The following TIAM1 variants were observed in gnomAD, a reference collection of about 807,000 sequenced individuals.
TIAM1 encodes rho guanine nucleotide exchange factor TIAM1.
TIAM1 carries 65 observed loss-of-function variants against 163.5 expected under a neutral mutation model. The observed-to-expected ratio is 0.40, with a 90% CI of 0.33 to 0.49. TIAM1 has a LOEUF of 0.49. Ranked by LOEUF, TIAM1 falls within the 20% of genes least tolerant of loss-of-function variation. The pLI is 0.77. For missense variants in TIAM1, 1,789 were observed against 2,044.7 expected (o/e 0.87, Z 2.41); for synonymous variants, 833 against 810.1 (o/e 1.03, Z -0.48).
intron 14 of TIAM1, among the ~76,000 whole-genome samples, chr21:31,185,952 A>G (rs2085283918): frequency 6.6e-6 from 1 of 152,172 alleles, no homozygotes; most frequent in African/African-American, 2.4e-5. Flanking sequence ...CAGAGAAATC[A>G]ATCTTGCCAA....
intron 1 of TIAM1, among the ~76,000 whole-genome samples, chr21:31,495,069 T>G (rs924090389): frequency 5.9e-5 from 9 of 152,190 alleles, no homozygotes; most frequent in Admixed American, 5.9e-4. Flanking sequence ...AGTGTGCATA[T>G]ATAAATGTGT....
In TIAM1 at chr21:31,251,915, C is replaced by T; in HGVS notation, c.1238G>A (p.Ser413Asn). 6.2e-7 allele frequency: 1 copy of T among 1,613,836 alleles called. No homozygotes were observed. The highest frequency in any genetic ancestry group is 1.6e-4 in the Middle Eastern group (1 of 6,062). ...EAGSAHSDEQ[S>N]SGTLSSPGQS... ...GCCCGGAGAGCTCAGGGTGCCGCTG[C>T]TCTGCTCATCGCTGTGCGCCGAGCC... is the stretch of plus-strand genomic sequence containing the variant. Residue 413 changes from serine (S) to asparagine (N), a missense_variant, in exon 5 of 28, where the codon AGC (serine) becomes AAC (asparagine). This residue lies in a region of TIAM1 where 555 missense variants were observed against 564.9 expected (regional missense o/e 0.98). Transcript: ENST00000541036.
rs965599919 is a variant in TIAM1 at position 31,395,744 on chromosome 21, T to C, written c.-368-56322A>G. Among the ~76,000 whole-genome samples the C allele has an allele frequency of 6.6e-5, 10 of 152,102 alleles. No individual in the cohort carries two copies. The highest frequency in any genetic ancestry group is 1.5e-4 in the Non-Finnish European group (10 of 68,004). On this transcript the variant is annotated intron_variant, in intron 2 of 28. Transcript: ENST00000286827. This position sits in a 1 kb window ranked among gnomAD's most constrained non-coding sequence, Gnocchi z 7.5. ...TGGCTGTCGCGTGAAAATTTTTGCT[T>C]TATAAATTGGGGAGGTTATTAAAAG...
chr21:31,338,263 A>C (rs2075909143), intron 2 of TIAM1, among the ~76,000 whole-genome samples: 1 of 152,074 alleles, frequency 6.6e-6, no homozygotes. Context: ...GAAACTCTAA[A>C]AGTTACAGGA....
At chr21:31,373,064 AAAAAGAAAAG>A (rs1167017702) in intron 2 of TIAM1, among the ~76,000 whole-genome samples, 2 of 145,244 alleles carry the variant, frequency 1.4e-5, no homozygotes, top group Non-Finnish European at 3.0e-5. Flanking sequence ...TCAAAAAAAA[AAAAAGAAAAG>A]AAAAGAAAAG....
chr21:31,426,050 G>A (rs773631717), intron 2 of TIAM1, among the ~76,000 whole-genome samples: 6 of 151,880 alleles, frequency 4.0e-5, no homozygotes, highest in Non-Finnish European at 7.4e-5. Flanking sequence ...ATAGTTTTTG[G>A]GGATCAGGCG....
chr21:31,357,260 C>G (rs2076330801), intron 2 of TIAM1, among the ~76,000 whole-genome samples: 1 of 152,200 alleles, frequency 6.6e-6, no homozygotes, highest in South Asian at 2.1e-4. Flanking sequence ...AATTCTCTGT[C>G]TATTCCCTCA....
At chr21:31,230,952 C>T (rs1441859600) in intron 6 of TIAM1, among the ~76,000 whole-genome samples, 2 of 152,100 alleles carry the variant, frequency 1.3e-5, no homozygotes, top group African/African-American at 2.4e-5. Flanking sequence ...ACAGGCATGA[C>T]CATTCAATAT....
chr21:31,214,393 C>G (rs1049052971), intron 9 of TIAM1, among the ~76,000 whole-genome samples: 1 of 151,898 alleles, frequency 6.6e-6, no homozygotes, highest in African/African-American at 2.4e-5. Context: ...AGAAAAGAAA[C>G]TAGCAAAAGC....
chr21:31,509,135 G>A (rs1186265239), intron 1 of TIAM1, among the ~76,000 whole-genome samples: 2 of 152,120 alleles, frequency 1.3e-5, no homozygotes, highest in Admixed American at 1.3e-4. Flanking sequence ...CTCCGTGGTG[G>A]AGATTATGGG....
At chr21:31,531,009 C>G (rs1164158819) in intron 1 of TIAM1, among the ~76,000 whole-genome samples, 1 of 152,126 alleles carries the variant, frequency 6.6e-6, no homozygotes, top group Admixed American at 6.5e-5. Flanking sequence ...TAATTTCTCT[C>G]CAGATGGCGG....
chr21:31,292,536 AT>A (rs2074063781), intron 2 of TIAM1, among the ~76,000 whole-genome samples: 1 of 151,134 alleles, frequency 6.6e-6, no homozygotes. Context: ...GGCCAGGACA[AT>A]TTTTGTATTT....
At chr21:31,270,589 C>T (rs942024490) in intron 3 of TIAM1, among the ~76,000 whole-genome samples, 13 of 152,342 alleles carry the variant, frequency 8.5e-5, no homozygotes, top group Admixed American at 3.9e-4. Context: ...TCTGGCTTCT[C>T]GTGCTTTTCT....
intron 27 of TIAM1, 58 bp downstream of exon 27, chr21:31,124,464 G>C (rs2082114277): frequency 1.2e-6 from 2 of 1,602,426 alleles, no homozygotes; most frequent in South Asian, 2.2e-5. Flanking sequence ...AAGCTCACTG[G>C]AGTTCTACTG....
intron 25 of TIAM1, among the ~76,000 whole-genome samples, chr21:31,128,369 G>C (rs1237951266): frequency 6.6e-6 from 1 of 152,170 alleles, no homozygotes; most frequent in African/African-American, 2.4e-5. Flanking sequence ...TGACTTGAAT[G>C]AAAAATAGAG....
intron 2 of TIAM1, among the ~76,000 whole-genome samples, chr21:31,415,008 AG>A (rs2043323970): frequency 6.6e-6 from 1 of 152,186 alleles, no homozygotes; most frequent in Admixed American, 6.5e-5. Context: ...AGTCACAGAA[AG>A]GGTGTACCCC....
intron 2 of TIAM1, among the ~76,000 whole-genome samples, chr21:31,423,719 A>C (rs1467848781): frequency 6.8e-6 from 1 of 146,334 alleles, no homozygotes; most frequent in East Asian, 2.2e-4. Flanking sequence ...AAAAAAAAAA[A>C]AAAAAAAAAA....
chr21:31,550,118 C>T (rs1476662020), intron 1 of TIAM1, among the ~76,000 whole-genome samples: 7 of 150,226 alleles, frequency 4.7e-5, no homozygotes, highest in African/African-American at 1.5e-4. Flanking sequence ...AGAGAGATTC[C>T]GTCTCAAAAG....
chr21:31,386,404 T>C (rs2147185400), intron 2 of TIAM1, among the ~76,000 whole-genome samples: 1 of 152,120 alleles, frequency 6.6e-6, no homozygotes, highest in Non-Finnish European at 1.5e-5. Flanking sequence ...AAATCTCACC[T>C]AGAAAAGCAA....
Sources: gnomAD v4.1 joint callset for allele counts (sites outside exome capture counted in the v4.1 genomes callset) on GRCh38, gnomAD v4.1.1 for gene constraint, gnomAD v4.1.1 regional missense constraint, Gnocchi (gnomAD v3.1) non-coding constraint, MANE v1.5 for transcripts, NCBI Gene and HGNC (gene_info 2026-07-23, HGNC 2026-07-21) for gene names.